The following ATPAF2 variants were observed in gnomAD, a reference collection of about 807,000 sequenced individuals.
ATPAF2 encodes the protein ATP12 homolog.
In ATPAF2, 30 loss-of-function variants were observed where a neutral mutation model predicts 36.6. The ratio of observed to expected loss-of-function variants is 0.82; its 90% CI spans 0.61 to 1.11. The LOEUF (loss-of-function observed/expected upper bound fraction) is 1.11. ATPAF2 is among the 50% of genes most tolerant of loss of function. The probability of loss-of-function intolerance (pLI) is 0.00; values close to 1 mark genes in which losing one functional copy is unlikely to be tolerated. For synonymous variants in ATPAF2, 140 were observed against 152.6 expected, an observed-to-expected ratio of 0.92 and a Z score of 0.61; for missense variants, 321 against 372.3, an observed-to-expected ratio of 0.86 and a Z score of 1.13.
At chr17:18,015,652 C>G (rs562057256), downstream of ATPAF2, 41 of 178,178 alleles carry the variant, frequency 2.3e-4, no homozygotes, top group Non-Finnish European at 3.6e-4. Context: ...TCAGAGCAGC[C>G]TCGAGACCCT....
At chr17:18,025,167 G>C in intron 4 of ATPAF2, 1 of 297,844 alleles carries the variant, frequency 3.4e-6, no homozygotes, top group Non-Finnish European at 6.5e-6. Flanking sequence ...CTCAGTCTTT[G>C]CATCTCTACC....
intron 5 of ATPAF2, among the ~76,000 whole-genome samples, chr17:18,023,729 A>G (rs1031028925): frequency 2.0e-5 from 3 of 152,240 alleles, no homozygotes; most frequent in African/African-American, 7.2e-5. Context: ...ATCGGGCAGC[A>G]TGTGGCAAAT....
intron 1 of ATPAF2, among the ~76,000 whole-genome samples, chr17:18,038,060 C>A (rs996175876): frequency 6.6e-5 from 10 of 152,240 alleles, no homozygotes; most frequent in African/African-American, 1.9e-4. Context: ...AATATTATAA[C>A]CTTTTGCAAT....
chr17:18,019,185 A>ACACACACACACACACACACACACC (rs1313379853), intron 7 of ATPAF2, among the ~76,000 whole-genome samples: 2 of 146,236 alleles, frequency 1.4e-5, no homozygotes, highest in East Asian at 2.0e-4. Context: ...ACACACACAC[A>ACACACACACACACACACACACACC]CCCCACCACC....
intron 1 of ATPAF2, among the ~76,000 whole-genome samples, chr17:18,037,489 C>T (rs959636023): frequency 6.6e-6 from 1 of 152,116 alleles, no homozygotes; most frequent in Non-Finnish European, 1.5e-5. Context: ...GAGGCTGAGA[C>T]CACAAAATCG....
At chr17:18,030,970 G>GA (rs1463740689) in intron 1 of ATPAF2, among the ~76,000 whole-genome samples, 1 of 120,392 alleles carries the variant, frequency 8.3e-6, no homozygotes. Context: ...ACCGCGCCTG[G>GA]CCTTTTTTTT....
intron 1 of ATPAF2, among the ~76,000 whole-genome samples, chr17:18,029,390 T>C (rs2044594898): frequency 6.6e-6 from 1 of 152,204 alleles, no homozygotes; most frequent in African/African-American, 2.4e-5. Context: ...AAGTCACATT[T>C]TGGAAGCTAT....
At chr17:18,035,590 T>C (rs1469555958) in intron 1 of ATPAF2, among the ~76,000 whole-genome samples, 1 of 152,266 alleles carries the variant, frequency 6.6e-6, no homozygotes, top group Non-Finnish European at 1.5e-5. Context: ...GTATAACATT[T>C]AGCAAACTTT....
intron 4 of ATPAF2, chr17:18,025,239 A>G (rs1478030430): frequency 1.5e-5 from 3 of 201,142 alleles, no homozygotes; most frequent in African/African-American, 7.1e-5. Flanking sequence ...TATACCTCAT[A>G]AGTCCACCCA....
intron 1 of ATPAF2, among the ~76,000 whole-genome samples, chr17:18,032,143 C>T (rs1053380450): frequency 6.6e-6 from 1 of 152,182 alleles, no homozygotes; most frequent in African/African-American, 2.4e-5. Context: ...AAGGGTCTTC[C>T]CATGTCAGCA....
chr17:18,029,627 C>T (rs926793044), intron 1 of ATPAF2, among the ~76,000 whole-genome samples: 1 of 151,508 alleles, frequency 6.6e-6, no homozygotes, highest in African/African-American at 2.4e-5. Context: ...GTCTCACTCT[C>T]TTGCCCAGGC....
downstream of ATPAF2, chr17:18,016,859 A>C: frequency 1.6e-5 from 7 of 443,216 alleles, no homozygotes; most frequent in East Asian, 3.6e-5. Context: ...CTCATTTCAC[A>C]TTTCCCCTAC....
At chr17:18,028,430 A>T in intron 2 of ATPAF2, 53 bp from the exon 3 acceptor site, 1 of 1,604,536 alleles carries the variant, frequency 6.2e-7, no homozygotes, top group East Asian at 2.2e-5. Flanking sequence ...GAATCAAGTG[A>T]CCATTCCTAT....
intron 5 of ATPAF2, among the ~76,000 whole-genome samples, chr17:18,022,401 T>C (rs1352851425): frequency 6.6e-6 from 1 of 151,948 alleles, no homozygotes; most frequent in Non-Finnish European, 1.5e-5. Flanking sequence ...CCCACCTCAG[T>C]CTCCCAAGTA....
At chr17:18,021,534 G>A (rs2044468519) in intron 6 of ATPAF2, 1 of 631,392 alleles carries the variant, frequency 1.6e-6, no homozygotes, top group African/African-American at 1.8e-5. Context: ...TTGAACTCAA[G>A]ACTTCTGCTG....
chr17:18,022,862 A>G (rs1243529866), intron 5 of ATPAF2, among the ~76,000 whole-genome samples: 1 of 152,110 alleles, frequency 6.6e-6, no homozygotes, highest in East Asian at 1.9e-4. Context: ...GCGGTGGCTC[A>G]TGCCTGTAAT....
chr17:18,033,583 A>G (rs2044666804), intron 1 of ATPAF2, among the ~76,000 whole-genome samples: 1 of 152,086 alleles, frequency 6.6e-6, no homozygotes, highest in Non-Finnish European at 1.5e-5. Flanking sequence ...CCTTTCCTTT[A>G]GAAAGATTAC....
chr17:18,029,319 G>A (rs918962756), intron 1 of ATPAF2, among the ~76,000 whole-genome samples: 1 of 152,196 alleles, frequency 6.6e-6, no homozygotes, highest in Non-Finnish European at 1.5e-5. Flanking sequence ...TTACCCTGGA[G>A]GGATTAACAA....
chr17:18,038,694 G>C (rs2044742269), intron 1 of ATPAF2, among the ~76,000 whole-genome samples, 187 bp downstream of exon 1: 1 of 152,202 alleles, frequency 6.6e-6, no homozygotes, highest in African/African-American at 2.4e-5. Flanking sequence ...TGCGTGACTC[G>C]CTGTTCCCTC....
Sources: gnomAD v4.1 joint callset for allele counts (sites outside exome capture counted in the v4.1 genomes callset) on GRCh38, gnomAD v4.1.1 for gene constraint, MANE v1.5 for transcripts, NCBI Gene and HGNC (gene_info 2026-07-23, HGNC 2026-07-21) for gene names.